Variants in PHACTR1 observed in about 807,000 individuals in gnomAD.
PHACTR1 encodes phosphatase and actin regulator 1, also known as RPEL repeat containing 1.
Under a neutral mutation model 69.2 loss-of-function variants are expected in PHACTR1, and 16 were observed. The observed-to-expected ratio is 0.23, with a 90% confidence interval of 0.16 to 0.35. The LOEUF is 0.35. Ranked by LOEUF, PHACTR1 falls within the 10% of genes least tolerant of loss-of-function variation. The pLI is 1.00. For missense variants in PHACTR1, 510 were observed against 734.7 expected, an observed-to-expected ratio of 0.69 and a Z score of 3.54; for synonymous variants, 312 against 284.5, an observed-to-expected ratio of 1.10 and a Z score of -0.97.
At chr6:12,763,167 C>T (rs966529038) in intron 4 of PHACTR1, among the ~76,000 whole-genome samples, 6 of 152,052 alleles carry the variant, frequency 3.9e-5, no homozygotes, top group African/African-American at 1.4e-4. Context: ...AAGCTAAGAT[C>T]GTGCCATTGC....
intron 4 of PHACTR1, among the ~76,000 whole-genome samples, chr6:12,900,012 G>A (rs1785030508): frequency 6.6e-6 from 1 of 152,148 alleles, no homozygotes; most frequent in South Asian, 2.1e-4. Flanking sequence ...GACCTCCTCT[G>A]TCTAGTGGAC....
chr6:13,196,929 C>T (rs1764518250), intron 7 of PHACTR1, among the ~76,000 whole-genome samples: 1 of 152,186 alleles, frequency 6.6e-6, no homozygotes, highest in South Asian at 2.1e-4. Context: ...ATGATAGTAC[C>T]ACCACATATT....
chr6:13,182,502 C>G lies in PHACTR1; in HGVS notation c.497-17C>G. 6.2e-7 allele frequency: 1 copy of G among 1,613,086 alleles called. No homozygotes were observed. On this transcript the variant is annotated splice_polypyrimidine_tract_variant and intron_variant, in intron 6 of 14. Transcript: ENST00000332995. ...CAGACATTGTCTAACTCTGCAATCT[C>G]CTTTTCTCTCTGACAGATGGGGAAC... is the stretch of plus-strand genomic sequence containing the variant.
At chr6:13,272,968 T>C in intron 11 of PHACTR1, 53 bp downstream of exon 11, 1 of 1,607,334 alleles carries the variant, frequency 6.2e-7, no homozygotes. Context: ...GCTTTTGTTA[T>C]TATTTAATGG....
At chr6:12,721,036 C>T (rs1762055614) in intron 3 of PHACTR1, among the ~76,000 whole-genome samples, 1 of 152,168 alleles carries the variant, frequency 6.6e-6, no homozygotes, top group Non-Finnish European at 1.5e-5. Context: ...AAATGCTACA[C>T]ACGAGCAAAT....
rs575587028 is a variant in PHACTR1, at chr6:13,251,867, C to G, written c.1392-20993C>G. On this transcript the variant is annotated intron_variant, in intron 10 of 14. Transcript: ENST00000332995. The stretch of plus-strand genomic sequence containing the variant: ...GCCAGGAGTTCAAGACCAGCCTGAG[C>G]AACATAGCAAGATCCCCATCTCTAC... Among the ~76,000 whole-genome samples, 18 of 152,052 alleles carry G rather than the reference C, an allele frequency of 1.2e-4. No individual in the cohort carries two copies. The South Asian group carries it at 1.9e-3, about 16-fold the overall frequency.
chr6:12,913,878 T>C (rs1174507343), intron 4 of PHACTR1, among the ~76,000 whole-genome samples: 1 of 152,248 alleles, frequency 6.6e-6, no homozygotes, highest in Non-Finnish European at 1.5e-5. Flanking sequence ...CTTTTGAAGA[T>C]GTTGTTTCTG....
chr6:13,262,753 C>T (rs1776083574), intron 10 of PHACTR1, among the ~76,000 whole-genome samples: 2 of 152,228 alleles, frequency 1.3e-5, no homozygotes, highest in South Asian at 2.1e-4. Context: ...AAAACCCCAT[C>T]TCCTCCTACT....
At chr6:13,266,032 G>C (rs1296639228) in intron 10 of PHACTR1, among the ~76,000 whole-genome samples, 1 of 152,142 alleles carries the variant, frequency 6.6e-6, no homozygotes, top group Non-Finnish European at 1.5e-5. Context: ...TGTCTCAGGA[G>C]CATTCTGATG....
intron 10 of PHACTR1, among the ~76,000 whole-genome samples, chr6:13,230,769 T>C (rs1177419483): frequency 7.2e-6 from 1 of 139,492 alleles, no homozygotes; most frequent in Admixed American, 7.3e-5. Context: ...GTAGTCCTAA[T>C]ACATTGGGTG....
At chr6:12,814,924 A>G (rs1023923422) in intron 4 of PHACTR1, among the ~76,000 whole-genome samples, 1 of 152,170 alleles carries the variant, frequency 6.6e-6, no homozygotes, top group Admixed American at 6.5e-5. Flanking sequence ...ACATGCTTCA[A>G]GTGAATTGAG....
intron 5 of PHACTR1, among the ~76,000 whole-genome samples, chr6:13,133,584 C>T (rs1392872107): frequency 1.3e-5 from 2 of 152,138 alleles, no homozygotes; most frequent in African/African-American, 2.4e-5. Context: ...GACGGAGTCT[C>T]GCTCACTCAG....
intron 4 of PHACTR1, among the ~76,000 whole-genome samples, chr6:12,808,707 C>T (rs1774642050): frequency 6.6e-6 from 1 of 152,066 alleles, no homozygotes; most frequent in Non-Finnish European, 1.5e-5. Flanking sequence ...GTGTTGTTGC[C>T]ACATCTCTAG....
At chr6:13,104,365 T>C (rs983813991) in intron 5 of PHACTR1, among the ~76,000 whole-genome samples, 3 of 152,188 alleles carry the variant, frequency 2.0e-5, no homozygotes, top group Non-Finnish European at 4.4e-5. Flanking sequence ...ATCATACCTG[T>C]GTGTGTGTTG....
At chr6:12,772,159 T>C (rs1456208163) in intron 4 of PHACTR1, among the ~76,000 whole-genome samples, 3 of 152,176 alleles carry the variant, frequency 2.0e-5, no homozygotes, top group Non-Finnish European at 4.4e-5. Flanking sequence ...AGGTTTGATA[T>C]TGTTTTTCTG....
chr6:13,189,973 A>G (rs918876622), intron 7 of PHACTR1, among the ~76,000 whole-genome samples: 13 of 144,628 alleles, frequency 9.0e-5, no homozygotes, highest in African/African-American at 3.4e-4. Flanking sequence ...CCTTCTCTCT[A>G]TGTTCTCACA....
At chr6:12,791,610 C>T (rs1320343627) in intron 4 of PHACTR1, among the ~76,000 whole-genome samples, 1 of 152,180 alleles carries the variant, frequency 6.6e-6, no homozygotes, top group African/African-American at 2.4e-5. Flanking sequence ...AAGCCTCATG[C>T]TTGAGAGAGT....
intron 4 of PHACTR1, among the ~76,000 whole-genome samples, chr6:12,853,773 G>GC (rs1293853000): frequency 1.3e-5 from 2 of 152,122 alleles, no homozygotes; most frequent in African/African-American, 4.8e-5. Context: ...GGGGGAAACT[G>GC]CCCCCCTGAT....
chr6:13,091,576 A>T (rs1477881244), intron 5 of PHACTR1, among the ~76,000 whole-genome samples: 1 of 152,150 alleles, frequency 6.6e-6, no homozygotes, highest in Non-Finnish European at 1.5e-5. Flanking sequence ...AGCACATTAC[A>T]TCTATTGTAC....
Sources: allele counts gnomAD v4.1 joint callset (sites outside exome capture counted in the v4.1 genomes callset), GRCh38; gene constraint gnomAD v4.1.1; transcripts MANE v1.5; gene names NCBI Gene and HGNC (gene_info 2026-07-23, HGNC 2026-07-21).